Variants in ARHGAP15 observed in about 807,000 individuals in gnomAD.
ARHGAP15 encodes the protein rho GTPase-activating protein 15.
Under a neutral mutation model 63.7 loss-of-function variants are expected in ARHGAP15, and 51 were observed. That is an observed-to-expected ratio of 0.80 (90% CI 0.64 to 1.01). The LOEUF is 1.01. ARHGAP15 is among the 50% of genes least tolerant of loss of function. ARHGAP15 has a pLI of 0.00. For synonymous variants in ARHGAP15, 191 were observed against 193.8 expected, an observed-to-expected ratio of 0.99 and a Z score of 0.12; for missense variants, 560 against 564.6, an observed-to-expected ratio of 0.99 and a Z score of 0.08.
chr2:143,312,729 A>G (rs916911798), intron 6 of ARHGAP15, among the ~76,000 whole-genome samples: 2 of 152,198 alleles, frequency 1.3e-5, no homozygotes, highest in African/African-American at 4.8e-5. Flanking sequence ...TCTGACTTTG[A>G]CAGGCTACAG....
chr2:143,336,772 C>G (rs959779722), intron 6 of ARHGAP15, among the ~76,000 whole-genome samples: 4 of 152,142 alleles, frequency 2.6e-5, no homozygotes, highest in Non-Finnish European at 5.9e-5. Flanking sequence ...GTCAGACATG[C>G]TAACTGGACT....
At chr2:143,564,760 CTA>C (rs1696156488) in intron 11 of ARHGAP15, among the ~76,000 whole-genome samples, 1 of 152,134 alleles carries the variant, frequency 6.6e-6, no homozygotes, top group African/African-American at 2.4e-5. Context: ...CATTATATAA[CTA>C]AAAACTACCA....
intron 13 of ARHGAP15, among the ~76,000 whole-genome samples, chr2:143,705,972 G>A (rs1318118840): frequency 6.6e-6 from 1 of 152,046 alleles, no homozygotes; most frequent in African/African-American, 2.4e-5. Flanking sequence ...CAATAGAGAT[G>A]GAAATAGATG....
At chr2:143,584,818 C>G (rs1035481832) in intron 11 of ARHGAP15, among the ~76,000 whole-genome samples, 1 of 152,054 alleles carries the variant, frequency 6.6e-6, no homozygotes, top group African/African-American at 2.4e-5. Context: ...ATTCTCAGTG[C>G]AAGATTTTTG....
At chr2:143,464,671 C>T (rs1180778420) in intron 8 of ARHGAP15, among the ~76,000 whole-genome samples, 2 of 152,148 alleles carry the variant, frequency 1.3e-5, no homozygotes, top group African/African-American at 2.4e-5. Context: ...TGCCTCTTTA[C>T]TTGCTGATAG....
chr2:143,414,776 T>C (rs755447012), intron 6 of ARHGAP15, among the ~76,000 whole-genome samples: 1 of 152,042 alleles, frequency 6.6e-6, no homozygotes, highest in Non-Finnish European at 1.5e-5. Flanking sequence ...TCTTGTAAAA[T>C]ACAAAAGTTA....
intron 12 of ARHGAP15, among the ~76,000 whole-genome samples, chr2:143,650,105 A>G (rs924219223): frequency 2.0e-5 from 3 of 151,652 alleles, no homozygotes; most frequent in African/African-American, 7.3e-5. Context: ...TTCCCTGGGG[A>G]AAAAAATGAT....
At chr2:143,235,138 A>G (rs1054393356) in intron 5 of ARHGAP15, among the ~76,000 whole-genome samples, 2 of 152,180 alleles carry the variant, frequency 1.3e-5, no homozygotes, top group Admixed American at 1.3e-4. Context: ...CTTGCTCGTT[A>G]GGGCTACATA....
At chr2:143,295,194 G>C (rs1682583049) in intron 6 of ARHGAP15, among the ~76,000 whole-genome samples, 1 of 151,962 alleles carries the variant, frequency 6.6e-6, no homozygotes, top group Admixed American at 6.6e-5. Flanking sequence ...AATGCCATTT[G>C]AAAACAAAGG....
intron 6 of ARHGAP15, among the ~76,000 whole-genome samples, chr2:143,326,658 TTC>T (rs1371906381): frequency 3.9e-5 from 6 of 152,186 alleles, no homozygotes; most frequent in Admixed American, 3.3e-4. Context: ...CCAATATTAT[TTC>T]TGAGTGTATG....
chr2:143,411,224 A>T (rs1475980211), intron 6 of ARHGAP15, among the ~76,000 whole-genome samples: 1 of 117,926 alleles, frequency 8.5e-6, no homozygotes, highest in Non-Finnish European at 1.8e-5. Context: ...AGAAGAAAGA[A>T]AATATAGTAG....
chr2:143,304,744 A>G (rs187096642), intron 6 of ARHGAP15, among the ~76,000 whole-genome samples: 381 of 152,294 alleles, frequency 2.5e-3, no homozygotes, highest in Non-Finnish European at 3.7e-3. Context: ...ATCACTGGTC[A>G]TTAGAGAAAT....
intron 8 of ARHGAP15, among the ~76,000 whole-genome samples, chr2:143,474,063 T>C (rs1691702959): frequency 6.6e-6 from 1 of 152,134 alleles, no homozygotes; most frequent in Admixed American, 6.5e-5. Context: ...CTATATTCCC[T>C]CCTAGCTTAG....
At chr2:143,336,018 G>T (rs767078166) in intron 6 of ARHGAP15, among the ~76,000 whole-genome samples, 2 of 151,258 alleles carry the variant, frequency 1.3e-5, no homozygotes, top group African/African-American at 2.4e-5. Flanking sequence ...TATTTTTTTT[G>T]AGACACGGTT....
In ARHGAP15 at chr2:143,688,777, CTTG is replaced by C. The variant is rs776915364; in HGVS notation, c.1139-14639_1139-14637del. Among the ~76,000 whole-genome samples, 45 of 152,184 alleles carry C rather than the reference CTTG, an allele frequency of 3.0e-4. 1 individual carries two copies. Among genetic ancestry groups the C allele is most frequent in the Middle Eastern group, 3.4e-3 (1 of 294 alleles). On this transcript the variant is annotated intron_variant, in intron 12 of 13. Coordinates refer to ENST00000295095, the MANE Select transcript of ARHGAP15 (RefSeq NM_018460.4). ...TTCCTATAAATTCAAAAGATACTGC[CTTG>C]TTTTCTTTTAGGATTTAGTGAGAAA...
At position 143,278,037 on chromosome 2, in the gene ARHGAP15, C is replaced by T. The variant is rs138739876; in HGVS notation, c.474+27437C>T. On this transcript the variant is annotated intron_variant, in intron 6 of 13. Coordinates refer to ENST00000295095, the MANE Select transcript of ARHGAP15 (RefSeq NM_018460.4). ...GTTACATTTATATTTTTTAAAATCC[C>T]ATATTTATATACTAAACAATACAGA... Among the ~76,000 whole-genome samples the T allele has an allele frequency of 3.9e-3, 588 of 152,218 alleles. 3 individuals are homozygous for T. Among genetic ancestry groups the T allele is most frequent in the African/African-American group, 0.013 (535 of 41,528 alleles).
chr2:143,516,660 G>GT (rs1298547405), intron 9 of ARHGAP15, among the ~76,000 whole-genome samples: 1 of 152,102 alleles, frequency 6.6e-6, no homozygotes, highest in Non-Finnish European at 1.5e-5. Context: ...CCATTAATGG[G>GT]TTTTTTACTT....
At chr2:143,735,350 C>G (rs559241329) in intron 13 of ARHGAP15, among the ~76,000 whole-genome samples, 1 of 152,126 alleles carries the variant, frequency 6.6e-6, no homozygotes, top group Non-Finnish European at 1.5e-5. Flanking sequence ...TCAGACGTGA[C>G]TTTGGGCGTG....
chr2:143,628,272 T>G (rs1048792972), intron 12 of ARHGAP15, among the ~76,000 whole-genome samples: 2 of 152,196 alleles, frequency 1.3e-5, no homozygotes, highest in African/African-American at 4.8e-5. Context: ...TCGTGAATAG[T>G]GTTGCGATGA....
Sources: allele counts gnomAD v4.1 joint callset (sites outside exome capture counted in the v4.1 genomes callset), GRCh38; gene constraint gnomAD v4.1.1; transcripts MANE v1.5; gene names NCBI Gene and HGNC (gene_info 2026-07-23, HGNC 2026-07-21).